The following RPS6KC1 variants were observed in gnomAD, a reference collection of about 807,000 sequenced individuals.
RPS6KC1 encodes inactive ribosomal protein S6 kinase delta-1.
Under a neutral mutation model 103.8 loss-of-function variants are expected in RPS6KC1, and 54 were observed. The observed-to-expected ratio is 0.52, with a 90% confidence interval of 0.42 to 0.65. The LOEUF (loss-of-function observed/expected upper bound fraction) is 0.65. Among genes scored for constraint, RPS6KC1 ranks in the 30% least tolerant of loss-of-function variants. The pLI, the probability that RPS6KC1 is intolerant of heterozygous loss-of-function variation, is 0.00. For missense variants in RPS6KC1, 1,151 were observed against 1,253.8 expected (o/e 0.92, Z 1.24); for synonymous variants, 439 against 438.7 (o/e 1.00, Z -0.01).
chr1:213,401,977 G>A, the RPS6KC1 span, among the ~76,000 whole-genome samples: 1 of 151,956 alleles, frequency 6.6e-6, no homozygotes, highest in Non-Finnish European at 1.5e-5. Flanking sequence ...TTGTAAAGAT[G>A]AGATCTCACT....
the RPS6KC1 span, among the ~76,000 whole-genome samples, chr1:213,387,391 A>T: frequency 1.3e-5 from 2 of 152,260 alleles, no homozygotes; most frequent in East Asian, 3.9e-4. Flanking sequence ...TCCCAGATTG[A>T]CCTATCACCA....
At chr1:213,719,021 G>A in the RPS6KC1 span, among the ~76,000 whole-genome samples, 1 of 152,182 alleles carries the variant, frequency 6.6e-6, no homozygotes, top group Admixed American at 6.5e-5. Flanking sequence ...AAACACCTGA[G>A]GGGCAGAGAT....
At chr1:213,298,707 ATTCTT>A in the RPS6KC1 span, among the ~76,000 whole-genome samples, 11 of 151,880 alleles carry the variant, frequency 7.2e-5, no homozygotes, top group South Asian at 2.1e-4. Flanking sequence ...AATTTCAATA[ATTCTT>A]TTCTTTTATT....
chr1:213,490,222 A>G, the RPS6KC1 span, among the ~76,000 whole-genome samples: 2 of 152,148 alleles, frequency 1.3e-5, no homozygotes, highest in Non-Finnish European at 2.9e-5. Flanking sequence ...ATTTCCATTA[A>G]TGTCCTATTG....
chr1:213,526,199 TG>T, the RPS6KC1 span, among the ~76,000 whole-genome samples: 2 of 152,188 alleles, frequency 1.3e-5, no homozygotes, highest in African/African-American at 4.8e-5. Context: ...ATCGATTGAA[TG>T]TTTACATATT....
the RPS6KC1 span, among the ~76,000 whole-genome samples, chr1:213,369,251 C>T: frequency 6.6e-6 from 1 of 152,270 alleles, no homozygotes; most frequent in East Asian, 1.9e-4. Flanking sequence ...CTCATACCTT[C>T]CTGCACCTTG....
chr1:213,500,545 C>T, the RPS6KC1 span, among the ~76,000 whole-genome samples: 1 of 151,944 alleles, frequency 6.6e-6, no homozygotes, highest in Admixed American at 6.6e-5. Flanking sequence ...CATTAGGTAC[C>T]ACACATAATT....
the RPS6KC1 span, among the ~76,000 whole-genome samples, chr1:213,518,783 A>G: frequency 6.6e-6 from 1 of 152,160 alleles, no homozygotes; most frequent in Non-Finnish European, 1.5e-5. Flanking sequence ...AATACCCTTC[A>G]GTGTTATGCA....
At chr1:213,424,334 C>G in the RPS6KC1 span, among the ~76,000 whole-genome samples, 1 of 152,044 alleles carries the variant, frequency 6.6e-6, no homozygotes, top group Non-Finnish European at 1.5e-5. Context: ...CTCTCTTTTC[C>G]CTTCTCTATA....
the RPS6KC1 span, among the ~76,000 whole-genome samples, chr1:213,393,417 C>A: frequency 6.6e-6 from 1 of 152,098 alleles, no homozygotes; most frequent in African/African-American, 2.4e-5. Context: ...CCCTTCACTC[C>A]GAAGTTCAAA....
the RPS6KC1 span, among the ~76,000 whole-genome samples, chr1:213,416,758 T>C: frequency 6.6e-6 from 1 of 152,124 alleles, no homozygotes; most frequent in African/African-American, 2.4e-5. Context: ...CCAGAAACCA[T>C]CTGGCCAGCT....
At chr1:213,608,406 A>C in the RPS6KC1 span, among the ~76,000 whole-genome samples, 1 of 152,190 alleles carries the variant, frequency 6.6e-6, no homozygotes, top group Non-Finnish European at 1.5e-5. Flanking sequence ...AGTTAGGATG[A>C]GGCCTCCGGG....
At chr1:213,716,917 C>T in the RPS6KC1 span, among the ~76,000 whole-genome samples, 1 of 152,132 alleles carries the variant, frequency 6.6e-6, no homozygotes, top group Admixed American at 6.5e-5. Context: ...AAAACCGATG[C>T]AAACTAGAAA....
chr1:213,593,751 C>T, the RPS6KC1 span, among the ~76,000 whole-genome samples: 5 of 152,080 alleles, frequency 3.3e-5, no homozygotes, highest in South Asian at 4.2e-4. Context: ...AGGCATGTGG[C>T]GAGTGGAGGA....
rs376925701 is a variant in RPS6KC1, at chr1:213,158,479, C to T, written c.836-9379C>T. On this transcript the variant is annotated intron_variant, in intron 6 of 14. Transcript: ENST00000366960. ...CATTTAAGTTGTTATAATACTTTCC[C>T]GATCTTTGTGGGAACAAGGTGGGGA... is the stretch of plus-strand genomic sequence containing the variant. Among the ~76,000 whole-genome samples, 44 of 152,234 alleles carry T rather than the reference C, an allele frequency of 2.9e-4. No homozygotes were observed. The East Asian group carries it at 6.7e-3, about 23-fold the overall frequency.
At chr1:213,339,130 G>A in the RPS6KC1 span, among the ~76,000 whole-genome samples, 1 of 152,140 alleles carries the variant, frequency 6.6e-6, no homozygotes, top group Admixed American at 6.5e-5. Flanking sequence ...CAGATGTGGT[G>A]GCGCATGCCT....
the RPS6KC1 span, among the ~76,000 whole-genome samples, chr1:213,643,490 G>C: frequency 5.6e-3 from 847 of 150,870 alleles, 13 homozygotes; most frequent in African/African-American, 0.02. Context: ...ATGCTTATCT[G>C]GTATCCAGAA....
chr1:213,236,908 A>G (rs1343543462), intron 10 of RPS6KC1, among the ~76,000 whole-genome samples: 2 of 152,186 alleles, frequency 1.3e-5, no homozygotes, highest in Non-Finnish European at 2.9e-5. Context: ...TTTATAAAAT[A>G]AATTCAAACA....
the RPS6KC1 span, among the ~76,000 whole-genome samples, chr1:213,767,386 A>G: frequency 1.3e-5 from 2 of 152,170 alleles, no homozygotes; most frequent in African/African-American, 4.8e-5. Flanking sequence ...ATATATATAT[A>G]GCCACATTTC....
Sources: gnomAD v4.1 joint callset for allele counts (sites outside exome capture counted in the v4.1 genomes callset) on GRCh38, gnomAD v4.1.1 for gene constraint, MANE v1.5 for transcripts, NCBI Gene and HGNC (gene_info 2026-07-23, HGNC 2026-07-21) for gene names.